HIBCH: variants seen among roughly 807,000 people sequenced by gnomAD.
HIBCH encodes 3-hydroxyisobutyryl-CoA hydrolase, mitochondrial.
A neutral mutation model predicts 58.2 loss-of-function variants in HIBCH; 50 were observed. The ratio of observed to expected loss-of-function variants is 0.86; its 90% CI spans 0.68 to 1.09. HIBCH has a LOEUF of 1.09. HIBCH is among the 50% of genes least tolerant of loss of function. The pLI is 0.00. For missense variants in HIBCH, 450 were observed against 449.7 expected (o/e 1.00, Z -0.01); for synonymous variants, 151 against 146.9 (o/e 1.03, Z -0.20).
At chr2:190,257,286 A>C (rs1160303740) in intron 7 of HIBCH, among the ~76,000 whole-genome samples, 2 of 152,212 alleles carry the variant, frequency 1.3e-5, no homozygotes, top group African/African-American at 4.8e-5. Context: ...AAATTACTGA[A>C]ATTAAAAACC....
Position 190,270,527 on chromosome 2 carries a change from C to G in HIBCH, c.439-9293G>C, listed in dbSNP as rs188833930. 2.6e-5 allele frequency among the ~76,000 whole-genome samples: 4 copies of G among 152,212 alleles called. No homozygotes were observed. In the East Asian group the frequency reaches 7.7e-4, roughly 29 times the overall value. ...AAAAAGTCATGGATTTAAATCTAAC[C>G]AGGGAGAATGAGTAAGCTCCTGCCC... is the stretch of plus-strand genomic sequence containing the variant. On this transcript the variant is annotated intron_variant, in intron 6 of 13. Coordinates refer to ENST00000359678, the MANE Select transcript of HIBCH (RefSeq NM_014362.4).
At chr2:190,192,395 T>A (rs1007564440) in intron 1 of HIBCH, among the ~76,000 whole-genome samples, 4 of 152,004 alleles carry the variant, frequency 2.6e-5, no homozygotes, top group Non-Finnish European at 5.9e-5. Context: ...AAATTATTGT[T>A]CTTTCTCAAA....
rs1687641215 is a variant in HIBCH, at chr2:190,279,274, C to T, written c.438+8312G>A. ...CTCTTGAAGGCCTCACTTCTTAATA[C>T]TGTTACATTCAGGATTAAGTTTCAA... is the stretch of plus-strand genomic sequence containing the variant. On this transcript the variant is annotated intron_variant, in intron 6 of 13. Coordinates refer to ENST00000359678, the MANE Select transcript of HIBCH (RefSeq NM_014362.4). This position sits in a 1 kb window ranked among gnomAD's most constrained non-coding sequence, Gnocchi z 4.2. Among the ~76,000 whole-genome samples the T allele has an allele frequency of 6.6e-6, 1 of 152,206 alleles. No homozygotes were observed. Among genetic ancestry groups the T allele is most frequent in the African/African-American group, 2.4e-5 (1 of 41,460 alleles).
rs1186400172 is a variant in HIBCH at position 190,252,311 on chromosome 2, TAATTA to T, written c.518-9_518-5del. The stretch of plus-strand genomic sequence containing the variant: ...CCACCCACATCAGGGAACAGTCCTG[TAATTA>T]AATGTAACAAAAAGAGATAATGGTG... On this transcript the variant is annotated splice_region_variant and splice_polypyrimidine_tract_variant and intron_variant, in intron 7 of 13. Coordinates refer to ENST00000359678, the MANE Select transcript of HIBCH (RefSeq NM_014362.4). 1 of 1,611,072 alleles carries T rather than the reference TAATTA, an allele frequency of 6.2e-7. No individual in the cohort carries two copies. The highest frequency in any genetic ancestry group is 8.5e-7 in the Non-Finnish European group (1 of 1,177,414).
rs530581202 is a variant in HIBCH, at chr2:190,225,368, G to A, written c.892-12293C>T. Among the ~76,000 whole-genome samples the A allele has an allele frequency of 5.3e-5, 8 of 152,106 alleles. No individual in the cohort carries two copies. The East Asian group carries it at 1.5e-3, about 29-fold the overall frequency. ...AAAAGATCAACAAAATTGATAGACA[G>A]CTAGCAAGACTAATAAAGAAGAAAA... On this transcript the variant is annotated intron_variant, in intron 11 of 13. Transcript: ENST00000359678.
chr2:190,237,459 T>C (rs1021918781), intron 11 of HIBCH, among the ~76,000 whole-genome samples: 2 of 152,220 alleles, frequency 1.3e-5, no homozygotes, highest in Non-Finnish European at 2.9e-5. Context: ...GTAATTAATA[T>C]GCATTCAGCT....
intron 1 of HIBCH, among the ~76,000 whole-genome samples, chr2:190,198,631 C>CA (rs35125102): frequency 0.24 from 16,817 of 70,160 alleles, 1,564 homozygotes; most frequent in East Asian, 0.33. Context: ...GACCCTGTCT[C>CA]AAAAAAAAAA....
Position 190,281,513 on chromosome 2 carries a change from G to C in HIBCH, c.438+6073C>G, listed in dbSNP as rs1232691589. Reference sequence around the variant, plus strand: ...GAGCTCTGGGCCTGTGATGAGAAAGGGAGGCTCAAAGGTCTCGGAAATGCC... The same window carrying C: ...GAGCTCTGGGCCTGTGATGAGAAAGCGAGGCTCAAAGGTCTCGGAAATGCC... On this transcript the variant is annotated intron_variant, in intron 6 of 13. Transcript: ENST00000359678. This position sits in a 1 kb window ranked among gnomAD's most constrained non-coding sequence, Gnocchi z 5.4. 6.6e-6 allele frequency among the ~76,000 whole-genome samples: 1 copy of C among 152,128 alleles called. No homozygotes were observed. Among genetic ancestry groups the C allele is most frequent in the East Asian group, 1.9e-4 (1 of 5,188 alleles).
downstream of HIBCH, chr2:190,199,733 T>C (rs1387169772): frequency 1.5e-5 from 23 of 1,494,580 alleles, no homozygotes; most frequent in East Asian, 1.6e-4. Flanking sequence ...AAAGGGAACA[T>C]TGATTACTGA....
rs573861775 is a variant in HIBCH, at chr2:190,290,120, C to T, written c.385+285G>A. ...TCTCAAACTCCTGAACTCAGGTGAT[C>T]CACCCACCTCAGCCTCCCAAATTGC... is the stretch of plus-strand genomic sequence containing the variant. On this transcript the variant is annotated intron_variant, in intron 5 of 13. Coordinates refer to ENST00000359678, the MANE Select transcript of HIBCH (RefSeq NM_014362.4). Among the ~76,000 whole-genome samples the T allele has an allele frequency of 4.6e-5, 7 of 152,248 alleles. No individual in the cohort carries two copies. The South Asian group carries it at 1.0e-3, about 23-fold the overall frequency.
Position 190,211,165 on chromosome 2 carries a change from C to T in HIBCH, c.1011+1791G>A, listed in dbSNP as rs754022623. Among the ~76,000 whole-genome samples, 17 of 152,126 alleles carry T rather than the reference C, an allele frequency of 1.1e-4. No individual in the cohort carries two copies. The highest frequency in any genetic ancestry group is 2.1e-4 in the South Asian group (1 of 4,832). Reference sequence around the variant, plus strand: ...ACCTGGGTACCTCTAACAGTGTCTACGACATAGTAAGCACTCTTGTTTAGT... The same window carrying T: ...ACCTGGGTACCTCTAACAGTGTCTATGACATAGTAAGCACTCTTGTTTAGT... On this transcript the variant is annotated intron_variant, in intron 12 of 13. Transcript: ENST00000359678. The surrounding 1 kb of genome is among the most constrained non-coding windows in gnomAD (Gnocchi z 5.0).
rs757166228 is a variant in HIBCH, at chr2:190,216,612, ACTGT to A, written c.892-3541_892-3538del. Among the ~76,000 whole-genome samples the A allele has an allele frequency of 1.3e-5, 2 of 152,314 alleles. No individual in the cohort carries two copies. Among genetic ancestry groups the A allele is most frequent in the East Asian group, 3.9e-4 (2 of 5,182 alleles). On this transcript the variant is annotated intron_variant, in intron 11 of 13. Transcript: ENST00000359678. The surrounding 1 kb of genome is among the most constrained non-coding windows in gnomAD (Gnocchi z 4.2). The stretch of plus-strand genomic sequence containing the variant: ...CACAGCTGCTCAGCTGTGATGCCAA[ACTGT>A]CTGCTTTGTCAGAGGCCAGAATTCT...
chr2:190,227,332 T>A (rs1214492921), intron 11 of HIBCH, among the ~76,000 whole-genome samples: 1 of 152,238 alleles, frequency 6.6e-6, no homozygotes, highest in Non-Finnish European at 1.5e-5. Flanking sequence ...TGATTCCCTA[T>A]TTAATAAATG....
chr2:190,251,529 C>T (rs1037433325), intron 8 of HIBCH: 3 of 448,714 alleles, frequency 6.7e-6, no homozygotes, highest in Non-Finnish European at 1.4e-5. Flanking sequence ...CAAGGAGTTT[C>T]AACTACTATG....
Position 190,244,925 on chromosome 2 carries a change from G to A in HIBCH, c.853C>T (p.Gln285Ter), listed in dbSNP as rs138786617. Residue 285 changes from glutamine (Q) to a stop codon, truncating the protein, a stop_gained, in exon 11 of 14, where the codon CAG becomes TAG. Transcript: ENST00000359678. LOFTEE classifies it high-confidence loss of function. ...AGGGCAAAAGATGAACCATCTTGCT[G>A]TAAGTTTTCAATAATTTCTTCCACA... ...NTVEEIIENL[Q>*]QDGSSFALEQ... 56 of 1,611,534 alleles carry A rather than the reference G, an allele frequency of 3.5e-5. No individual in the cohort carries two copies. The highest frequency in any genetic ancestry group is 4.8e-5 in the Non-Finnish European group (56 of 1,177,802).
At chr2:190,240,779 T>C (rs1686428356) in intron 11 of HIBCH, among the ~76,000 whole-genome samples, 1 of 152,170 alleles carries the variant, frequency 6.6e-6, no homozygotes, top group South Asian at 2.1e-4. Flanking sequence ...TTTCCATGTA[T>C]TGTGCGGTTT....
Position 190,226,917 on chromosome 2 carries a change from C to T in HIBCH, c.892-13842G>A, listed in dbSNP as rs568292228. 2.0e-4 allele frequency among the ~76,000 whole-genome samples: 30 copies of T among 151,916 alleles called. 1 individual carries two copies. The highest frequency in any genetic ancestry group is 1.4e-3 in the East Asian group (7 of 5,172). Reference sequence around the variant, plus strand: ...AGGAGAACTACAAACCACTGCTCAACGAAATAAAAGAGGATACAAACAAAT... The same window carrying T: ...AGGAGAACTACAAACCACTGCTCAATGAAATAAAAGAGGATACAAACAAAT... On this transcript the variant is annotated intron_variant, in intron 11 of 13. Coordinates refer to ENST00000359678, the MANE Select transcript of HIBCH (RefSeq NM_014362.4).
chr2:190,287,512 TTC>T, intron 6 of HIBCH, 72 bp downstream of exon 6: 1 of 973,226 alleles, frequency 1.0e-6, no homozygotes, highest in Non-Finnish European at 1.6e-6. Context: ...ATCAGCTCAC[TTC>T]TGTTTAATAA....
chr2:190,314,358 C>T (rs1031208135), intron 1 of HIBCH, among the ~76,000 whole-genome samples: 163 of 14,832 alleles, frequency 0.011, no homozygotes, highest in South Asian at 0.023. Flanking sequence ...TGTATATATA[C>T]GTATATATAT....
Sources: gnomAD v4.1 joint callset for allele counts (sites outside exome capture counted in the v4.1 genomes callset) on GRCh38, gnomAD v4.1.1 for gene constraint, Gnocchi (gnomAD v3.1) non-coding constraint, MANE v1.5 for transcripts, NCBI Gene and HGNC (gene_info 2026-07-23, HGNC 2026-07-21) for gene names.